Variants in WWTR1 observed in about 807,000 individuals in gnomAD.
The protein encoded by WWTR1 is WW domain-containing transcription regulator protein 1.
In WWTR1, 13 loss-of-function variants were observed where a neutral mutation model predicts 40.1. The observed-to-expected ratio is 0.32, with a 90% CI of 0.21 to 0.52. The LOEUF (loss-of-function observed/expected upper bound fraction) is 0.52, where lower values mean the gene tolerates loss of function less well. WWTR1 is among the 20% of genes least tolerant of loss of function. WWTR1 has a pLI of 0.97. For missense variants in WWTR1, 436 were observed against 523.1 expected, an observed-to-expected ratio of 0.83 and a Z score of 1.63; for synonymous variants, 230 against 210.1, an observed-to-expected ratio of 1.09 and a Z score of -0.82.
chr3:149,663,852 G>A (rs1363665744), intron 2 of WWTR1, among the ~76,000 whole-genome samples: 1 of 152,156 alleles, frequency 6.6e-6, no homozygotes, highest in East Asian at 1.9e-4. Flanking sequence ...TACGATTTCA[G>A]CTACTTCTGG....
chr3:149,523,743 G>T (rs1039052369), intron 6 of WWTR1, among the ~76,000 whole-genome samples: 1 of 152,176 alleles, frequency 6.6e-6, no homozygotes, highest in African/African-American at 2.4e-5. Flanking sequence ...TGGTCCACAG[G>T]CCTGATAGAT....
rs932505495 is a variant in WWTR1, at chr3:149,533,063, G to C, written c.772-5094C>G. Among the ~76,000 whole-genome samples, 11 of 152,310 alleles carry C rather than the reference G, an allele frequency of 7.2e-5. 1 individual carries two copies. Among genetic ancestry groups the C allele is most frequent in the Admixed American group, 5.2e-4 (8 of 15,296 alleles). ...AGGAAAACAAACGCTAAGCTGGCTTGTCACTCATTTCCCACTGTGCTCCAG... is the reference window on the plus strand; with the variant it reads ...AGGAAAACAAACGCTAAGCTGGCTTCTCACTCATTTCCCACTGTGCTCCAG... On this transcript the variant is annotated intron_variant, in intron 4 of 6. Transcript: ENST00000360632.
chr3:149,550,114 G>A (rs560990287), intron 3 of WWTR1, among the ~76,000 whole-genome samples: 4 of 152,174 alleles, frequency 2.6e-5, no homozygotes, highest in East Asian at 1.9e-4. Context: ...AAATTTTAAC[G>A]TGCCCAGTGA....
chr3:149,533,601 T>C (rs893085500), intron 4 of WWTR1, among the ~76,000 whole-genome samples: 9 of 152,214 alleles, frequency 5.9e-5, no homozygotes, highest in African/African-American at 2.2e-4. Flanking sequence ...AGTTGGGGTT[T>C]AAGTTGGGGT....
intron 2 of WWTR1, among the ~76,000 whole-genome samples, chr3:149,664,948 G>C (rs1713747956): frequency 6.6e-6 from 1 of 151,926 alleles, no homozygotes; most frequent in African/African-American, 2.4e-5. Context: ...TTGGGCTAGA[G>C]AAAAAAGGAA....
chr3:149,705,225 GGGA>G (rs1559846427), upstream of WWTR1, among the ~76,000 whole-genome samples: 1 of 151,988 alleles, frequency 6.6e-6, no homozygotes, highest in Non-Finnish European at 1.5e-5. Context: ...AAAATTGATG[GGGA>G]GGAGCTCATA....
At chr3:149,529,689 C>T (rs1735478680) in intron 4 of WWTR1, among the ~76,000 whole-genome samples, 1 of 152,050 alleles carries the variant, frequency 6.6e-6, no homozygotes, top group African/African-American at 2.4e-5. Flanking sequence ...CATTAGAAAC[C>T]TTATTATCCA....
intron 2 of WWTR1, among the ~76,000 whole-genome samples, chr3:149,610,673 C>T (rs1739694437): frequency 6.6e-6 from 1 of 152,204 alleles, no homozygotes; most frequent in Admixed American, 6.5e-5. Flanking sequence ...AGGCAGGACG[C>T]CAGAAGGCTG....
At chr3:149,608,756 G>C (rs1170040046) in intron 2 of WWTR1, among the ~76,000 whole-genome samples, 1 of 151,972 alleles carries the variant, frequency 6.6e-6, no homozygotes, top group Non-Finnish European at 1.5e-5. Context: ...AGTGATAAAG[G>C]GTCTAAAACG....
At chr3:149,595,245 C>A (rs1315439775) in intron 2 of WWTR1, among the ~76,000 whole-genome samples, 2 of 152,024 alleles carry the variant, frequency 1.3e-5, no homozygotes, top group Non-Finnish European at 2.9e-5. Flanking sequence ...CAGGCATGAG[C>A]CACCGCGCCC....
At position 149,613,635 on chromosome 3, in the gene WWTR1, C is replaced by T. The variant is rs563998901; in HGVS notation, c.432-40635G>A. Among the ~76,000 whole-genome samples the T allele has an allele frequency of 4.6e-5, 7 of 152,230 alleles. No individual in the cohort carries two copies. In the South Asian group the frequency reaches 1.4e-3, roughly 32 times the overall value. Reference sequence around the variant, plus strand: ...ATCTTGGCTCACTGCAGCCTCGACCCTCCCTGAGTTCAAGTGATCCTCCCA... The same window carrying T: ...ATCTTGGCTCACTGCAGCCTCGACCTTCCCTGAGTTCAAGTGATCCTCCCA... On this transcript the variant is annotated intron_variant, in intron 2 of 6. Coordinates refer to ENST00000360632, the MANE Select transcript of WWTR1 (RefSeq NM_015472.6).
chr3:149,622,092 T>G (rs1357671792), intron 2 of WWTR1, among the ~76,000 whole-genome samples: 1 of 152,202 alleles, frequency 6.6e-6, no homozygotes, highest in Non-Finnish European at 1.5e-5. Context: ...TCTTATGACA[T>G]GATTGGTAAT....
chr3:149,596,439 C>T (rs145381636), intron 2 of WWTR1, among the ~76,000 whole-genome samples: 1 of 152,248 alleles, frequency 6.6e-6, no homozygotes, highest in Non-Finnish European at 1.5e-5. Flanking sequence ...CAGAGAAATC[C>T]CTCTGTAACC....
chr3:149,570,115 G>A (rs894984091), intron 3 of WWTR1, among the ~76,000 whole-genome samples: 1 of 152,166 alleles, frequency 6.6e-6, no homozygotes, highest in African/African-American at 2.4e-5. Context: ...ATTAAGTCCT[G>A]GTCTTTGGAA....
chr3:149,544,937 A>T (rs551274589), intron 3 of WWTR1, among the ~76,000 whole-genome samples: 1 of 152,316 alleles, frequency 6.6e-6, no homozygotes, highest in African/African-American at 2.4e-5. Context: ...TAGACAGTTT[A>T]GGTTTCCCCC....
intron 2 of WWTR1, among the ~76,000 whole-genome samples, chr3:149,611,268 A>C (rs1739729494): frequency 6.6e-6 from 1 of 152,258 alleles, no homozygotes; most frequent in Non-Finnish European, 1.5e-5. Flanking sequence ...CAAGACAATG[A>C]CCCATGCCAG....
chr3:149,674,523 G>A (rs947907356), intron 1 of WWTR1, among the ~76,000 whole-genome samples: 1 of 151,966 alleles, frequency 6.6e-6, no homozygotes, highest in African/African-American at 2.4e-5. Context: ...GGAGGCGGAG[G>A]TTGCAGTGAG....
intron 1 of WWTR1, among the ~76,000 whole-genome samples, chr3:149,696,112 C>CA (rs368629673): frequency 0.55 from 42,430 of 77,148 alleles, 12,601 homozygotes; most frequent in Middle Eastern, 0.68. Flanking sequence ...GACTCTGTCT[C>CA]AAAAAAAAAA....
intron 3 of WWTR1, among the ~76,000 whole-genome samples, chr3:149,562,560 A>G (rs1737130043): frequency 6.6e-6 from 1 of 150,410 alleles, no homozygotes; most frequent in African/African-American, 2.4e-5. Flanking sequence ...TGCTGCTTCA[A>G]AAATGTTTAG....
Sources: allele counts gnomAD v4.1 joint callset (sites outside exome capture counted in the v4.1 genomes callset), GRCh38; gene constraint gnomAD v4.1.1; transcripts MANE v1.5; gene names NCBI Gene and HGNC (gene_info 2026-07-23, HGNC 2026-07-21).